LRP1B: variants seen among roughly 807,000 people sequenced by gnomAD.
The protein encoded by LRP1B is low-density lipoprotein receptor-related protein 1B.
In LRP1B, 217 loss-of-function variants were observed where a neutral mutation model predicts 556.6. That is an observed-to-expected ratio of 0.39 (90% CI 0.35 to 0.44). The LOEUF (loss-of-function observed/expected upper bound fraction) is 0.44. Among genes scored for constraint, LRP1B ranks in the 20% least tolerant of loss-of-function variants. The pLI, the probability that LRP1B is intolerant of heterozygous loss-of-function variation, is 1.00. For missense variants in LRP1B, 5,053 were observed against 5,620.8 expected (o/e 0.90, Z 3.23); for synonymous variants, 2,047 against 1,865.8 (o/e 1.10, Z -2.50).
Position 140,353,001 on chromosome 2 carries a change from C to A in LRP1B, c.11602G>T (p.Val3868Leu), listed in dbSNP as rs182361356. Residue 3868 changes from valine to leucine, a missense_variant, in exon 76 of 91, where the codon GTG becomes TTG. Transcript: ENST00000389484. ...CTTTCTTGAAAATTCTGGTCACACACACATTTATATGATCCTTCCACATTT... is the reference window on the plus strand; with the variant it reads ...CTTTCTTGAAAATTCTGGTCACACAAACATTTATATGATCCTTCCACATTT... ...CINVEGSYKC[V>L]CDQNFQERNN... is the part of the protein sequence containing the mutation. 1 of 1,612,854 alleles carries A rather than the reference C, an allele frequency of 6.2e-7. No individual in the cohort carries two copies. Among genetic ancestry groups the A allele is most frequent in the South Asian group, 1.1e-5 (1 of 91,052 alleles).
chr2:140,695,547 C>T (rs72907443), intron 41 of LRP1B, among the ~76,000 whole-genome samples: 34,390 of 152,046 alleles, frequency 0.23, 4,674 homozygotes, highest in African/African-American at 0.38. Flanking sequence ...CAGTCATTTT[C>T]TCTGCTTTGT....
chr2:141,674,040 A>G (rs890423528), intron 2 of LRP1B, among the ~76,000 whole-genome samples: 2 of 152,070 alleles, frequency 1.3e-5, no homozygotes, highest in African/African-American at 4.8e-5. Flanking sequence ...TTGGCATTCA[A>G]ACTAACTGCC....
At chr2:141,372,471 G>T (rs1689262643) in intron 3 of LRP1B, among the ~76,000 whole-genome samples, 1 of 152,024 alleles carries the variant, frequency 6.6e-6, no homozygotes, top group Admixed American at 6.6e-5. Flanking sequence ...GTTCATTTTT[G>T]TATGTTTGGT....
chr2:141,742,205 T>C (rs904872215), intron 2 of LRP1B, among the ~76,000 whole-genome samples: 4 of 152,110 alleles, frequency 2.6e-5, no homozygotes, highest in Non-Finnish European at 5.9e-5. Context: ...CTCTGTAGTA[T>C]AACTTGAAGT....
chr2:140,855,492 G>A (rs1692588011), intron 27 of LRP1B, among the ~76,000 whole-genome samples: 1 of 11,606 alleles, frequency 8.6e-5, no homozygotes. Flanking sequence ...ATCTCTACTG[G>A]GAAAAAAAAA....
intron 11 of LRP1B, among the ~76,000 whole-genome samples, chr2:141,032,840 T>C (rs1698416111): frequency 6.7e-6 from 1 of 149,608 alleles, no homozygotes; most frequent in African/African-American, 2.5e-5. Flanking sequence ...TATATATATA[T>C]GCAGGCATAT....
intron 84 of LRP1B, among the ~76,000 whole-genome samples, chr2:140,284,553 T>C (rs1459984464): frequency 2.6e-5 from 4 of 151,640 alleles, no homozygotes; most frequent in Non-Finnish European, 4.4e-5. Context: ...TACACACCCA[T>C]ACAGTTCCTA....
chr2:141,847,587 A>G (rs1697696326), intron 1 of LRP1B, among the ~76,000 whole-genome samples: 4 of 151,586 alleles, frequency 2.6e-5, no homozygotes, highest in Admixed American at 2.0e-4. Flanking sequence ...CAACAAATGC[A>G]GAAAAACATA....
intron 75 of LRP1B, among the ~76,000 whole-genome samples, chr2:140,356,018 A>G (rs145310082): frequency 6.0e-4 from 91 of 152,030 alleles, no homozygotes; most frequent in Non-Finnish European, 9.3e-4. Flanking sequence ...ATATTTTTTC[A>G]TGAAGCAAGA....
At chr2:141,107,687 G>T (rs1700641302) in intron 7 of LRP1B, among the ~76,000 whole-genome samples, 1 of 151,950 alleles carries the variant, frequency 6.6e-6, no homozygotes, top group African/African-American at 2.4e-5. Flanking sequence ...AATTCCATTT[G>T]ATTAAAGAGC....
intron 7 of LRP1B, among the ~76,000 whole-genome samples, chr2:141,070,272 T>C (rs1263893186): frequency 2.0e-5 from 3 of 150,008 alleles, no homozygotes; most frequent in Non-Finnish European, 4.4e-5. Context: ...CATAACGAAA[T>C]GAAGGCAGAA....
chr2:142,077,669 G>T (rs1705556442), intron 1 of LRP1B, among the ~76,000 whole-genome samples: 1 of 152,040 alleles, frequency 6.6e-6, no homozygotes, highest in African/African-American at 2.4e-5. Flanking sequence ...GACAGTCAAT[G>T]ATAAAGCCTT....
At chr2:141,764,001 G>A (rs1028840816) in intron 2 of LRP1B, among the ~76,000 whole-genome samples, 5 of 152,112 alleles carry the variant, frequency 3.3e-5, no homozygotes, top group Non-Finnish European at 5.9e-5. Context: ...TCCATGGCTA[G>A]CATGTATTAC....
At chr2:141,281,309 A>G (rs1053653848) in intron 3 of LRP1B, among the ~76,000 whole-genome samples, 1 of 152,034 alleles carries the variant, frequency 6.6e-6, no homozygotes, top group African/African-American at 2.4e-5. Flanking sequence ...TGTGACAAAA[A>G]TGTAATGATT....
At chr2:140,580,398 C>T (rs915729978) in intron 43 of LRP1B, among the ~76,000 whole-genome samples, 3 of 152,058 alleles carry the variant, frequency 2.0e-5, no homozygotes, top group Non-Finnish European at 4.4e-5. Context: ...CCCTGTGTTG[C>T]CAATTGCAGA....
chr2:140,939,130 G>C (rs936779696), intron 20 of LRP1B, among the ~76,000 whole-genome samples: 3 of 152,006 alleles, frequency 2.0e-5, no homozygotes, highest in Non-Finnish European at 4.4e-5. Flanking sequence ...ACAAGGGATG[G>C]ATTCTGAGAG....
At chr2:141,544,358 C>CTTCTTCTTCTT (rs1559131435) in intron 2 of LRP1B, among the ~76,000 whole-genome samples, 1 of 96,580 alleles carries the variant, frequency 1.0e-5, no homozygotes, top group African/African-American at 3.9e-5. Context: ...TCTTCTTCTT[C>CTTCTTCTTCTT]TTCTTCTTCT....
At chr2:141,794,868 A>C (rs1695749637) in intron 2 of LRP1B, among the ~76,000 whole-genome samples, 1 of 152,080 alleles carries the variant, frequency 6.6e-6, no homozygotes, top group African/African-American at 2.4e-5. Flanking sequence ...TGTAAGGAAC[A>C]TTGCATTTTG....
In LRP1B at chr2:141,678,461, C is replaced by T. The variant is rs1034835550; in HGVS notation, c.205+131818G>A. Among the ~76,000 whole-genome samples, 4 of 151,964 alleles carry T rather than the reference C, an allele frequency of 2.6e-5. No individual in the cohort carries two copies. In the South Asian group the frequency reaches 6.2e-4, roughly 24 times the overall value. On this transcript the variant is annotated intron_variant, in intron 2 of 90. Coordinates refer to ENST00000389484, the MANE Select transcript of LRP1B (RefSeq NM_018557.3). Reference sequence around the variant, plus strand: ...AACTATTCATCTATATTGAATGTTGCCAACAAGTCAATTAAGATGGGCTCG... The same window carrying T: ...AACTATTCATCTATATTGAATGTTGTCAACAAGTCAATTAAGATGGGCTCG...
Sources: gnomAD v4.1 joint callset for allele counts (sites outside exome capture counted in the v4.1 genomes callset) on GRCh38, gnomAD v4.1.1 for gene constraint, MANE v1.5 for transcripts, NCBI Gene and HGNC (gene_info 2026-07-23, HGNC 2026-07-21) for gene names.